Variants in PRTFDC1 observed in about 807,000 individuals in gnomAD.
PRTFDC1 encodes the protein phosphoribosyl transferase domain containing 1.
Under a neutral mutation model 34.6 loss-of-function variants are expected in PRTFDC1, and 38 were observed. The ratio of observed to expected loss-of-function variants is 1.10; its 90% confidence interval spans 0.85 to 1.44. The LOEUF is 1.44. Among genes scored for constraint, PRTFDC1 ranks in the 40% most tolerant of loss-of-function variants. The probability of loss-of-function intolerance (pLI) is 0.00; values close to 1 mark genes in which losing one functional copy is unlikely to be tolerated. For missense variants in PRTFDC1, 270 were observed against 283.0 expected (o/e 0.95, Z 0.33); for synonymous variants, 93 against 98.1 (o/e 0.95, Z 0.31).
intron 3 of PRTFDC1, among the ~76,000 whole-genome samples, chr10:24,895,692 T>G (rs867877246): frequency 5.6e-5 from 6 of 107,616 alleles, no homozygotes; most frequent in East Asian, 2.9e-4. Flanking sequence ...GGGGTGGATA[T>G]ATATATATAT....
intron 4 of PRTFDC1, among the ~76,000 whole-genome samples, chr10:24,870,486 C>T (rs1402666704): frequency 1.3e-5 from 2 of 152,106 alleles, no homozygotes; most frequent in African/African-American, 4.8e-5. Context: ...AGCAAAAGCA[C>T]AAGGTAAACT....
intron 3 of PRTFDC1, chr10:24,908,618 A>G (rs1368757770): frequency 6.8e-6 from 11 of 1,612,614 alleles, no homozygotes; most frequent in Non-Finnish European, 9.3e-6. Context: ...ACAGCTACTC[A>G]TATACCCTTG....
intron 3 of PRTFDC1, among the ~76,000 whole-genome samples, chr10:24,884,128 G>A (rs182496637): frequency 2.0e-5 from 3 of 150,896 alleles, no homozygotes; most frequent in East Asian, 3.9e-4. Context: ...CACAGTGCCC[G>A]GCCAAGAGAC....
chr10:24,894,168 A>C (rs1174943586), intron 3 of PRTFDC1, among the ~76,000 whole-genome samples: 1 of 151,946 alleles, frequency 6.6e-6, no homozygotes, highest in African/African-American at 2.4e-5. Flanking sequence ...TGTCTCTACT[A>C]AAAAATACAA....
intron 3 of PRTFDC1, among the ~76,000 whole-genome samples, chr10:24,927,581 A>ATT (rs5783910): frequency 0.18 from 24,005 of 133,684 alleles, 3,448 homozygotes; most frequent in African/African-American, 0.38. Flanking sequence ...GCGGGACCCA[A>ATT]TTTTTTTTTT....
At chr10:24,855,476 C>T (rs1021109971) in intron 6 of PRTFDC1, 112 bp from the exon 7 acceptor site, 76 of 1,259,142 alleles carry the variant, frequency 6.0e-5, no homozygotes, top group Non-Finnish European at 8.0e-5. Flanking sequence ...GCTACTGTGG[C>T]ACTATATAGA....
At position 24,851,491 on chromosome 10, in the gene PRTFDC1, A is replaced by C. The variant is rs757014990; in HGVS notation, c.554-27T>G. ...TTAGCAGACAGAGAAAGAGAAAAAA[A>C]AAAAGGAACAAAATTTAGATTATAT... On this transcript the variant is annotated intron_variant, in intron 7 of 8. Transcript: ENST00000320152. 1.9e-6 allele frequency: 3 copies of C among 1,587,282 alleles called. No individual in the cohort carries two copies. The South Asian group carries it at 3.5e-5, about 18-fold the overall frequency.
chr10:24,882,687 T>G (rs994288443), intron 3 of PRTFDC1, among the ~76,000 whole-genome samples: 7 of 152,008 alleles, frequency 4.6e-5, no homozygotes, highest in African/African-American at 1.4e-4. Context: ...ATTTATTTTT[T>G]TAGAGATGGG....
chr10:24,852,849 G>A (rs1847513255), intron 7 of PRTFDC1, among the ~76,000 whole-genome samples: 1 of 152,172 alleles, frequency 6.6e-6, no homozygotes, highest in African/African-American at 2.4e-5. Context: ...GACCAACGAT[G>A]CTTTCACAAG....
At chr10:24,867,433 C>A in intron 4 of PRTFDC1, among the ~76,000 whole-genome samples, 1 of 152,204 alleles carries the variant, frequency 6.6e-6, no homozygotes, top group Non-Finnish European at 1.5e-5. Flanking sequence ...TAAAACACAG[C>A]TCCATGATGT....
At chr10:24,944,078 C>A (rs80271448) in intron 1 of PRTFDC1, among the ~76,000 whole-genome samples, 65 of 152,216 alleles carry the variant, frequency 4.3e-4, no homozygotes, top group Non-Finnish European at 8.4e-4. Context: ...CCCCTTTCCT[C>A]CTCTACCTCT....
At chr10:24,871,657 A>C (rs1169883797) in intron 4 of PRTFDC1, among the ~76,000 whole-genome samples, 1 of 152,046 alleles carries the variant, frequency 6.6e-6, no homozygotes, top group Non-Finnish European at 1.5e-5. Context: ...AAAAAAAAAA[A>C]AAAGGCAGAC....
intron 7 of PRTFDC1, among the ~76,000 whole-genome samples, chr10:24,855,060 T>C (rs997877033): frequency 6.6e-6 from 1 of 152,062 alleles, no homozygotes; most frequent in African/African-American, 2.4e-5. Flanking sequence ...AACATACAAA[T>C]AAAAATACCC....
chr10:24,882,734 G>A (rs2132527873), intron 3 of PRTFDC1, among the ~76,000 whole-genome samples: 1 of 151,306 alleles, frequency 6.6e-6, no homozygotes, highest in East Asian at 1.9e-4. Context: ...TTGGACTCCT[G>A]GGCTCAAGTG....
At position 24,858,416 on chromosome 10, in the gene PRTFDC1, T is replaced by C; in HGVS notation, c.406-7A>G. ...CCTCAACAATGAGAACATTCTGAAA[T>C]AAACAAAACCCATATTTTAGAATGT... On this transcript the variant is annotated splice_region_variant and splice_polypyrimidine_tract_variant and intron_variant, in intron 4 of 8. Coordinates refer to ENST00000320152, the MANE Select transcript of PRTFDC1 (RefSeq NM_020200.7). The C allele has an allele frequency of 6.2e-7, 1 of 1,613,262 alleles. No individual in the cohort carries two copies. The highest frequency in any genetic ancestry group is 8.5e-7 in the Non-Finnish European group (1 of 1,179,342).
intron 3 of PRTFDC1, among the ~76,000 whole-genome samples, chr10:24,887,092 T>G (rs558170314): frequency 1.3e-5 from 2 of 149,142 alleles, no homozygotes; most frequent in Non-Finnish European, 3.0e-5. Context: ...TGCCTCAGCC[T>G]CCCGAGTAGC....
chr10:24,933,975 G>A (rs1348593312), intron 3 of PRTFDC1, among the ~76,000 whole-genome samples: 1 of 152,088 alleles, frequency 6.6e-6, no homozygotes, highest in East Asian at 1.9e-4. Context: ...TGACAGGCAT[G>A]AGCCACTGCA....
intron 3 of PRTFDC1, among the ~76,000 whole-genome samples, chr10:24,905,411 TC>T (rs1486574983): frequency 7.0e-6 from 1 of 142,652 alleles, no homozygotes; most frequent in African/African-American, 2.6e-5. Flanking sequence ...AACCTCCGAC[TC>T]CCTGGTTCAA....
intron 3 of PRTFDC1, among the ~76,000 whole-genome samples, chr10:24,922,773 G>T (rs1303278449): frequency 1.1e-4 from 17 of 152,186 alleles, no homozygotes; most frequent in Admixed American, 6.5e-5. Flanking sequence ...GAGGTAGCTG[G>T]TTCATCTTAT....
Sources: gnomAD v4.1 joint callset for allele counts (sites outside exome capture counted in the v4.1 genomes callset) on GRCh38, gnomAD v4.1.1 for gene constraint, MANE v1.5 for transcripts, NCBI Gene and HGNC (gene_info 2026-07-23, HGNC 2026-07-21) for gene names.